Variants in TRHR observed in about 807,000 individuals in gnomAD.
TRHR encodes the protein thyrotropin-releasing hormone receptor.
A neutral mutation model predicts 28.0 loss-of-function variants in TRHR; 14 were observed. The observed-to-expected ratio is 0.50, with a 90% CI of 0.33 to 0.78. The LOEUF (loss-of-function observed/expected upper bound fraction) is 0.78, where lower values mean the gene tolerates loss of function less well. Ranked by LOEUF, TRHR falls within the 30% of genes least tolerant of loss-of-function variation. The probability of loss-of-function intolerance (pLI) is 0.02; values close to 1 mark genes in which losing one functional copy is unlikely to be tolerated. For synonymous variants in TRHR, 176 were observed against 171.9 expected (o/e 1.02, Z -0.18); for missense variants, 438 against 469.5 (o/e 0.93, Z 0.62).
At chr8:109,100,753 T>C (rs1198039831) in intron 2 of TRHR, among the ~76,000 whole-genome samples, 2 of 152,134 alleles carry the variant, frequency 1.3e-5, no homozygotes, top group African/African-American at 2.4e-5. Context: ...TGGCACCTGA[T>C]CTACATGGCT....
In TRHR at chr8:109,119,510, C is replaced by A; in HGVS notation, c.*55C>A. 2 of 1,591,700 alleles carry A rather than the reference C, an allele frequency of 1.3e-6. No homozygotes were observed. Among genetic ancestry groups the A allele is most frequent in the Non-Finnish European group, 1.7e-6 (2 of 1,168,482 alleles). On this transcript the variant is annotated 3_prime_UTR_variant, in exon 3 of 3. Coordinates refer to ENST00000518632, the MANE Select transcript of TRHR (RefSeq NM_003301.7). ...AGAAAATGAGAATCTGTGCAGTCATCAACAAAAGGGAGAACATGGCCAATA... is the reference window on the plus strand; with the variant it reads ...AGAAAATGAGAATCTGTGCAGTCATAAACAAAAGGGAGAACATGGCCAATA...
rs1381381146 is a variant in TRHR, at chr8:109,119,331, A to T, written c.1073A>T (p.Lys358Met). ...YSVALNYSVI[K>M]ESDHFSTELD... Reference sequence around the variant, plus strand: ...GTGGCCCTAAATTACAGCGTCATCAAGGAGTCAGACCATTTCAGCACAGAG... The same window carrying T: ...GTGGCCCTAAATTACAGCGTCATCATGGAGTCAGACCATTTCAGCACAGAG... The change falls in exon 3 of 3, where the codon AAG (lysine) becomes ATG (methionine). Residue 358 changes from lysine to methionine, a missense_variant. Coordinates refer to ENST00000518632, the MANE Select transcript of TRHR (RefSeq NM_003301.7). The T allele has an allele frequency of 2.5e-6, 4 of 1,612,520 alleles. No individual in the cohort carries two copies. The South Asian group carries it at 4.4e-5, about 18-fold the overall frequency.
At chr8:109,105,527 T>G (rs1249689701) in intron 2 of TRHR, among the ~76,000 whole-genome samples, 1 of 152,164 alleles carries the variant, frequency 6.6e-6, no homozygotes, top group East Asian at 1.9e-4. Context: ...ACATTCCTGT[T>G]GCATGGAGCT....
chr8:109,098,927 C>T (rs748776398), intron 2 of TRHR, among the ~76,000 whole-genome samples: 11 of 152,130 alleles, frequency 7.2e-5, no homozygotes, highest in Non-Finnish European at 1.3e-4. Flanking sequence ...GCCCCTTTCT[C>T]TCAGCGGATT....
Position 109,087,897 on chromosome 8 carries a change from C to G in TRHR, c.385C>G (p.His129Asp). Residue 129 changes from histidine to aspartate, a missense_variant, in exon 2 of 3, where the codon CAC becomes GAC. Physicochemically the swap from His to Asp is moderately conservative, Grantham distance 81. Transcript: ENST00000518632. ...CATTGAGAGGTACATAGCAATCTGT[C>G]ACCCCATCAAAGCCCAGTTTCTCTG... is the stretch of plus-strand genomic sequence containing the variant. ...FTIERYIAIC[H>D]PIKAQFLCTF... 1 of 1,614,198 alleles carries G rather than the reference C, an allele frequency of 6.2e-7. No individual in the cohort carries two copies. The highest frequency in any genetic ancestry group is 1.1e-5 in the South Asian group (1 of 91,074).
At chr8:109,092,700 A>G (rs187740312) in intron 2 of TRHR, among the ~76,000 whole-genome samples, 5 of 152,212 alleles carry the variant, frequency 3.3e-5, no homozygotes, top group African/African-American at 1.2e-4. Flanking sequence ...CGGCCTTCCA[A>G]AGTACTGGGA....
Position 109,087,412 on chromosome 8 carries a change from T to C in TRHR, c.-88-13T>C. ...TAACACTGTTAATGAATATGTACTA[T>C]GACCCTTCACAGGGGGATGGAACTG... On this transcript the variant is annotated splice_polypyrimidine_tract_variant and intron_variant, in intron 1 of 2. Transcript: ENST00000518632. 1 of 1,247,090 alleles carries C rather than the reference T, an allele frequency of 8.0e-7. No individual in the cohort carries two copies. 77.3% of individuals were successfully genotyped at this position (1,247,090 alleles called of 1,614,324 possible).
intron 2 of TRHR, among the ~76,000 whole-genome samples, chr8:109,113,248 C>T (rs1021435213): frequency 6.6e-6 from 1 of 152,086 alleles, no homozygotes; most frequent in Non-Finnish European, 1.5e-5. Context: ...CACATCTTCT[C>T]CCATTTTGGC....
intron 2 of TRHR, among the ~76,000 whole-genome samples, chr8:109,107,281 T>G (rs542959921): frequency 6.6e-6 from 1 of 152,258 alleles, no homozygotes; most frequent in East Asian, 1.9e-4. Context: ...CCCCTTAAAT[T>G]ATGGAAAATT....
At chr8:109,091,718 T>C (rs1563621213) in intron 2 of TRHR, among the ~76,000 whole-genome samples, 1 of 152,252 alleles carries the variant, frequency 6.6e-6, no homozygotes, top group Non-Finnish European at 1.5e-5. Flanking sequence ...TTTGTTTTCT[T>C]TTATTCAGAG....
intron 2 of TRHR, among the ~76,000 whole-genome samples, chr8:109,107,112 C>A (rs1811761821): frequency 6.6e-6 from 1 of 152,118 alleles, no homozygotes. Flanking sequence ...GGAATACCTG[C>A]CTCAGAAATA....
intron 2 of TRHR, among the ~76,000 whole-genome samples, chr8:109,093,912 G>A (rs1811551005): frequency 6.6e-6 from 1 of 150,878 alleles, no homozygotes. Flanking sequence ...CACCTGTCTG[G>A]AACTTGGGGT....
At chr8:109,118,288 G>A (rs1419879442) in intron 2 of TRHR, among the ~76,000 whole-genome samples, 2 of 151,886 alleles carry the variant, frequency 1.3e-5, no homozygotes, top group African/African-American at 2.4e-5. Flanking sequence ...AAACACCTTG[G>A]ATAGTGTCTG....
chr8:109,102,409 G>C (rs1048423741), intron 2 of TRHR, among the ~76,000 whole-genome samples: 3 of 152,118 alleles, frequency 2.0e-5, no homozygotes, highest in Non-Finnish European at 4.4e-5. Flanking sequence ...TCTTTTTCTT[G>C]TCAGAAAGGA....
intron 2 of TRHR, among the ~76,000 whole-genome samples, chr8:109,105,241 A>G (rs1811731954): frequency 6.6e-6 from 1 of 152,154 alleles, no homozygotes; most frequent in Non-Finnish European, 1.5e-5. Context: ...AAAATGGAAG[A>G]GCAAAAACAC....
At chr8:109,096,954 C>A (rs1439480796) in intron 2 of TRHR, among the ~76,000 whole-genome samples, 2 of 152,128 alleles carry the variant, frequency 1.3e-5, no homozygotes, top group Non-Finnish European at 2.9e-5. Context: ...TACTTAAAAT[C>A]TCCTTGTCTT....
intron 2 of TRHR, among the ~76,000 whole-genome samples, chr8:109,095,541 A>C (rs1811575768): frequency 6.6e-6 from 1 of 151,950 alleles, no homozygotes; most frequent in Admixed American, 6.6e-5. Flanking sequence ...GCTACACCTA[A>C]TTCCCGCCTC....
At chr8:109,088,345 T>C (rs752460810) in intron 2 of TRHR, 44 bp downstream of exon 2, 2 of 1,599,576 alleles carry the variant, frequency 1.3e-6, no homozygotes, top group Non-Finnish European at 1.7e-6. Context: ...AAATGTGGGA[T>C]AGAGTTCCTT....
intron 2 of TRHR, among the ~76,000 whole-genome samples, chr8:109,112,062 C>T (rs955194158): frequency 6.6e-6 from 1 of 152,116 alleles, no homozygotes; most frequent in Non-Finnish European, 1.5e-5. Flanking sequence ...ATATGACCTG[C>T]CCAGTGTCTT....
Sources: allele counts gnomAD v4.1 joint callset (sites outside exome capture counted in the v4.1 genomes callset), GRCh38; gene constraint gnomAD v4.1.1; transcripts MANE v1.5; gene names NCBI Gene and HGNC (gene_info 2026-07-23, HGNC 2026-07-21).